ABHD2: variants seen among roughly 807,000 people sequenced by gnomAD.
ABHD2 encodes the protein abhydrolase domain containing 2, acylglycerol lipase.
A neutral mutation model predicts 48.1 loss-of-function variants in ABHD2; 20 were observed. That is an observed-to-expected ratio of 0.42 (90% CI 0.29 to 0.60). The LOEUF (loss-of-function observed/expected upper bound fraction) is 0.60. Ranked by LOEUF, ABHD2 falls within the 20% of genes least tolerant of loss-of-function variation. The pLI is 0.24. For synonymous variants in ABHD2, 209 were observed against 214.2 expected, an observed-to-expected ratio of 0.98 and a Z score of 0.21; for missense variants, 405 against 550.9, an observed-to-expected ratio of 0.74 and a Z score of 2.65.
upstream of ABHD2, among the ~76,000 whole-genome samples, chr15:89,084,209 TAA>T (rs3049684): frequency 0.052 from 7,152 of 138,756 alleles, 344 homozygotes; most frequent in African/African-American, 0.13. This position sits in a 1 kb window ranked among gnomAD's most constrained non-coding sequence, Gnocchi z 4.4. Context: ...TTTGCTAGTG[TAA>T]AAAAAAAAAA....
Position 89,108,017 on chromosome 15 carries a change from T to C in ABHD2, c.-106-5708T>C, listed in dbSNP as rs112332501. 1.1e-3 allele frequency among the ~76,000 whole-genome samples: 161 copies of C among 152,324 alleles called. 1 individual carries two copies. The highest frequency in any genetic ancestry group is 3.7e-3 in the African/African-American group (152 of 41,580). ...TATTCACAGAATGCAATTTGTATTA[T>C]GTTAAGAAGTCATCTGTGGGTGTTC... On this transcript the variant is annotated intron_variant, in intron 1 of 10. Coordinates refer to ENST00000352732, the MANE Select transcript of ABHD2 (RefSeq NM_152924.5).
intron 5 of ABHD2, among the ~76,000 whole-genome samples, chr15:89,157,869 G>T (rs2050699980): frequency 6.6e-6 from 1 of 151,730 alleles, no homozygotes; most frequent in African/African-American, 2.4e-5. Context: ...TAAATAAATA[G>T]GTGAATGTCC....
At position 89,114,864 on chromosome 15, in the gene ABHD2, G is replaced by A. The variant is rs1305237887; in HGVS notation, c.-7+1040G>A. On this transcript the variant is annotated intron_variant, in intron 2 of 10. Coordinates refer to ENST00000352732, the MANE Select transcript of ABHD2 (RefSeq NM_152924.5). The surrounding 1 kb of genome is among the most constrained non-coding windows in gnomAD (Gnocchi z 4.2). ...TATATTCATGGCCTAGCCTTGATTT[G>A]AAATTGTGTCAGTAAGTTTTTAAAA... 6.6e-6 allele frequency among the ~76,000 whole-genome samples: 1 copy of A among 152,204 alleles called. No homozygotes were observed. The highest frequency in any genetic ancestry group is 2.4e-5 in the African/African-American group (1 of 41,444).
rs146518381 is a variant in ABHD2, at chr15:89,100,801, G to C, written c.-107+12238G>C. On this transcript the variant is annotated intron_variant, in intron 1 of 10. Coordinates refer to ENST00000352732, the MANE Select transcript of ABHD2 (RefSeq NM_152924.5). The surrounding 1 kb of genome is among the most constrained non-coding windows in gnomAD (Gnocchi z 4.4). Reference sequence around the variant, plus strand: ...GGAGAATTGCTGGAACCCAGGAGGCGGAGGTTGCTGTGAGCTGAGATGTGC... The same window carrying C: ...GGAGAATTGCTGGAACCCAGGAGGCCGAGGTTGCTGTGAGCTGAGATGTGC... Among the ~76,000 whole-genome samples, 13 of 152,260 alleles carry C rather than the reference G, an allele frequency of 8.5e-5. No individual in the cohort carries two copies. The highest frequency in any genetic ancestry group is 1.3e-4 in the Non-Finnish European group (9 of 68,020).
intron 5 of ABHD2, among the ~76,000 whole-genome samples, chr15:89,156,909 A>T (rs922964927): frequency 1.9e-4 from 29 of 152,240 alleles, no homozygotes; most frequent in Non-Finnish European, 3.7e-4. Context: ...TTAATGGGAA[A>T]TAACTAAAAA....
At chr15:89,163,894 C>T (rs1017456437) in intron 5 of ABHD2, among the ~76,000 whole-genome samples, 1 of 152,210 alleles carries the variant, frequency 6.6e-6, no homozygotes, top group Non-Finnish European at 1.5e-5. Context: ...AATGAGTGGG[C>T]AGCCCAGGCT....
chr15:89,053,487 C>A, the ABHD2 span, among the ~76,000 whole-genome samples: 3 of 152,214 alleles, frequency 2.0e-5, no homozygotes, highest in Non-Finnish European at 2.9e-5. Flanking sequence ...GAGCAGTGCC[C>A]TCTAACATGG....
rs745443793 is a variant in ABHD2 at position 89,191,060 on chromosome 15, C to A, written c.927-20C>A. On this transcript the variant is annotated intron_variant, in intron 8 of 10. Transcript: ENST00000352732. ...AATGTTTTGTCCTTTTTCTTTTTTT[C>A]TTTTTCTGGTGTGTTGCAGGAAGTT... 4.4e-6 allele frequency: 7 copies of A among 1,607,026 alleles called. No homozygotes were observed.
chr15:89,065,756 C>G, the ABHD2 span, among the ~76,000 whole-genome samples: 2 of 152,174 alleles, frequency 1.3e-5, no homozygotes, highest in Admixed American at 6.5e-5. Flanking sequence ...TGTGCTAACT[C>G]TTTCCTTCCA....
intron 3 of ABHD2, among the ~76,000 whole-genome samples, chr15:89,127,720 C>T (rs58203758): frequency 0.097 from 6,582 of 67,652 alleles, 893 homozygotes; most frequent in African/African-American, 0.37. Flanking sequence ...TATATATATA[C>T]ACATATATAT....
chr15:89,141,558 G>A (rs2050403149), intron 3 of ABHD2, among the ~76,000 whole-genome samples: 1 of 152,130 alleles, frequency 6.6e-6, no homozygotes, highest in South Asian at 2.1e-4. Flanking sequence ...GCTTGAACCC[G>A]GGAGATGGAG....
At chr15:89,144,043 G>C (rs1329502554) in intron 3 of ABHD2, among the ~76,000 whole-genome samples, 1 of 152,170 alleles carries the variant, frequency 6.6e-6, no homozygotes, top group Admixed American at 6.5e-5. Context: ...ACAACCCAGA[G>C]AATTGAAAAC....
chr15:89,138,410 G>A (rs1400396481), intron 3 of ABHD2, among the ~76,000 whole-genome samples: 2 of 152,214 alleles, frequency 1.3e-5, no homozygotes, highest in Non-Finnish European at 2.9e-5. Context: ...CACCTTTCTA[G>A]AAGCACTTCC....
In ABHD2 at chr15:89,180,590, G is replaced by T. The variant is rs151278625; in HGVS notation, c.722+4595G>T. 2.4e-3 allele frequency among the ~76,000 whole-genome samples: 369 copies of T among 152,328 alleles called. 1 individual carries two copies. Among genetic ancestry groups the T allele is most frequent in the African/African-American group, 8.4e-3 (348 of 41,578 alleles). On this transcript the variant is annotated intron_variant, in intron 6 of 10. Transcript: ENST00000352732. ...TACAGATTGACTCTGCCCCTGAAGG[G>T]CAACCTGCTACCAGCCCAGAACCTT...
chr15:89,095,765 A>G (rs2150776211), intron 1 of ABHD2, among the ~76,000 whole-genome samples: 1 of 152,252 alleles, frequency 6.6e-6, no homozygotes, highest in Non-Finnish European at 1.5e-5. Flanking sequence ...AGGGCTGAGG[A>G]TGTGTCCTTG....
At chr15:89,057,877 A>T in the ABHD2 span, among the ~76,000 whole-genome samples, 10 of 152,098 alleles carry the variant, frequency 6.6e-5, no homozygotes, top group Non-Finnish European at 1.5e-4. Flanking sequence ...ACCGTGAGTC[A>T]AAACTTTAGT....
At position 89,188,862 on chromosome 15, in the gene ABHD2, C is replaced by T. The variant is rs186004805; in HGVS notation, c.926+559C>T. Reference sequence around the variant, plus strand: ...CCATTGCACTCCAGCCAGGGTGACACAGCAAGACCCTTCTCAAAATTAAAA... The same window carrying T: ...CCATTGCACTCCAGCCAGGGTGACATAGCAAGACCCTTCTCAAAATTAAAA... On this transcript the variant is annotated intron_variant, in intron 8 of 10. Transcript: ENST00000352732. This position sits in a 1 kb window ranked among gnomAD's most constrained non-coding sequence, Gnocchi z 4.1. Among the ~76,000 whole-genome samples, 1 of 145,790 alleles carries T rather than the reference C, an allele frequency of 6.9e-6. No homozygotes were observed. The highest frequency in any genetic ancestry group is 6.9e-5 in the Admixed American group (1 of 14,492).
intron 6 of ABHD2, among the ~76,000 whole-genome samples, chr15:89,178,489 C>G (rs917909548): frequency 6.6e-6 from 1 of 152,196 alleles, no homozygotes; most frequent in African/African-American, 2.4e-5. Context: ...GTAAATCTCT[C>G]CTAGCTGAGT....
chr15:89,131,911 C>T (rs778951607), intron 3 of ABHD2, among the ~76,000 whole-genome samples: 17 of 151,916 alleles, frequency 1.1e-4, no homozygotes, highest in Non-Finnish European at 2.4e-4. Flanking sequence ...GCAGGATAAG[C>T]ATGGCATTAA....
Sources: gnomAD v4.1 joint callset for allele counts (sites outside exome capture counted in the v4.1 genomes callset) on GRCh38, gnomAD v4.1.1 for gene constraint, Gnocchi (gnomAD v3.1) non-coding constraint, MANE v1.5 for transcripts, NCBI Gene and HGNC (gene_info 2026-07-23, HGNC 2026-07-21) for gene names.